The following IARS1 variants were observed in gnomAD, a reference collection of about 807,000 sequenced individuals.
The protein encoded by IARS1 is isoleucyl-tRNA synthetase 1.
In IARS1, 124 loss-of-function variants were observed where a neutral mutation model predicts 168.2. The observed-to-expected ratio is 0.74, with a 90% CI of 0.64 to 0.86. The LOEUF is 0.86. Ranked by LOEUF, IARS1 falls within the 40% of genes least tolerant of loss-of-function variation. The probability of loss-of-function intolerance (pLI) is 0.00; values close to 1 mark genes in which losing one functional copy is unlikely to be tolerated. For synonymous variants in IARS1, 532 were observed against 529.4 expected (o/e 1.00, Z -0.07); for missense variants, 1,452 against 1,515.8 (o/e 0.96, Z 0.70).
intron 26 of IARS1, among the ~76,000 whole-genome samples, chr9:92,245,608 C>G (rs1292710230): frequency 6.6e-6 from 1 of 152,174 alleles, no homozygotes; most frequent in East Asian, 1.9e-4. Context: ...GGGAGGCCCA[C>G]TGTTGTCACT....
rs984266867 is a variant in IARS1, at chr9:92,280,777, AAC to A, written c.712_713del (p.Val238Ter). The A allele has an allele frequency of 1.2e-6, 2 of 1,612,024 alleles. No individual in the cohort carries two copies. Among genetic ancestry groups the A allele is most frequent in the Non-Finnish European group, 1.7e-6 (2 of 1,178,738 alleles). ...WTLPSNLAVC[V>X]NPEMQYVKIK... ...TTTTCACATATTGCATTTCTGGATT[AAC>A]ACACACAGCAAGGTTACTAGGTAGA... On this transcript the variant is annotated frameshift_variant, in exon 7 of 34. Coordinates refer to ENST00000443024, the MANE Select transcript of IARS1 (RefSeq NM_002161.6). LOFTEE classifies it high-confidence loss of function.
At chr9:92,227,714 G>A (rs1825968397) in intron 31 of IARS1, among the ~76,000 whole-genome samples, 1 of 151,662 alleles carries the variant, frequency 6.6e-6, no homozygotes, top group Admixed American at 6.6e-5. Context: ...CAGGGCAGAG[G>A]CGCTCCCCAC....
intron 7 of IARS1, among the ~76,000 whole-genome samples, chr9:92,280,370 ACT>A (rs1390106586): frequency 6.6e-6 from 1 of 152,104 alleles, no homozygotes; most frequent in Admixed American, 6.5e-5. Flanking sequence ...GAGACTGGTA[ACT>A]CTCTACCAGG....
intron 30 of IARS1, among the ~76,000 whole-genome samples, chr9:92,236,858 T>C (rs1827620529): frequency 6.6e-6 from 1 of 152,210 alleles, no homozygotes; most frequent in Non-Finnish European, 1.5e-5. Context: ...CAAACTTACA[T>C]ATGGAGATTT....
chr9:92,279,912 C>T (rs1312192117), intron 7 of IARS1, among the ~76,000 whole-genome samples: 1 of 152,174 alleles, frequency 6.6e-6, no homozygotes, highest in Non-Finnish European at 1.5e-5. Context: ...TGGTGACTGG[C>T]TCATTTTAAT....
intron 33 of IARS1, among the ~76,000 whole-genome samples, chr9:92,215,609 G>C (rs1331332535): frequency 6.6e-6 from 1 of 151,950 alleles, no homozygotes; most frequent in African/African-American, 2.4e-5. Context: ...CAAGGCTCGA[G>C]AACTACGTGA....
rs146772108 is a variant in IARS1, at chr9:92,210,797, T to TA, written c.*9dup. On this transcript the variant is annotated 3_prime_UTR_variant, in exon 34 of 34. Coordinates refer to ENST00000443024, the MANE Select transcript of IARS1 (RefSeq NM_002161.6). ...GGAAGGGCTGACCGAACAACATTGA[T>TA]AAGTACATGCTAGAAGTCTGCTGTT... The TA allele has an allele frequency of 6.2e-3, 9,684 of 1,571,200 alleles. 498 individuals carry two copies. The African/African-American group carries it at 0.11, about 18-fold the overall frequency.
chr9:92,258,940 C>T lies in IARS1; in HGVS notation c.1930G>A (p.Gly644Ser), dbSNP rs202209545. 75 of 1,613,810 alleles carry T rather than the reference C, an allele frequency of 4.6e-5. No individual in the cohort carries two copies. Among genetic ancestry groups the T allele is most frequent in the Non-Finnish European group, 5.8e-5 (69 of 1,179,936 alleles). ...ACATCCTTAAGGACGTCCCGCACACCCTCTTCTTTAAAGCGGAGGTTTTCT... is the reference window on the plus strand; with the variant it reads ...ACATCCTTAAGGACGTCCCGCACACTCTCTTCTTTAAAGCGGAGGTTTTCT... ...RAENLRFKEEGVRDVLKDVLL... is the reference protein window; with the variant it reads ...RAENLRFKEESVRDVLKDVLL... Residue 644 changes from glycine to serine, a missense_variant, in exon 19 of 34, where the codon GGT becomes AGT. Physicochemically the swap from Gly to Ser is moderately conservative, Grantham distance 56. Transcript: ENST00000443024.
intron 12 of IARS1, 39 bp downstream of exon 12, chr9:92,270,946 G>A: frequency 3.6e-6 from 5 of 1,383,990 alleles, no homozygotes; most frequent in Non-Finnish European, 5.1e-6. Flanking sequence ...AGCACAGACT[G>A]GAAGCTCTAG....
At chr9:92,258,793 T>C in intron 19 of IARS1, 61 bp downstream of exon 19, 1 of 1,481,060 alleles carries the variant, frequency 6.8e-7, no homozygotes, top group Non-Finnish European at 9.1e-7. Context: ...ACCTCACAGC[T>C]TGGTGAAGGG....
In IARS1 at chr9:92,222,646, G is replaced by A; in HGVS notation, c.3580C>T (p.Leu1194Phe). The change falls in exon 33 of 34, where the codon CTC becomes TTC. Residue 1194 changes from leucine to phenylalanine, a missense_variant. Transcript: ENST00000443024. ...TGCCCAAGTGGGTTTTCAAGCAGGAGAGTGCCCACTGTCCCCATTAAACAC... is the reference window on the plus strand; with the variant it reads ...TGCCCAAGTGGGTTTTCAAGCAGGAAAGTGCCCACTGTCCCCATTAAACAC... ...QECLMGTVGT[L>F]LLENPLGQNG... is the part of the protein sequence containing the mutation. The A allele has an allele frequency of 6.2e-7, 1 of 1,614,096 alleles. No individual in the cohort carries two copies. Among genetic ancestry groups the A allele is most frequent in the Non-Finnish European group, 8.5e-7 (1 of 1,180,018 alleles).
At position 92,280,849 on chromosome 9, in the gene IARS1, T is replaced by A. The variant is rs267602314; in HGVS notation, c.642A>T (p.Glu214Asp). Residue 214 changes from glutamate to aspartate, a missense_variant, in exon 7 of 34, where the codon GAA becomes GAT. Glu to Asp is a conservative substitution (Grantham distance 45). Transcript: ENST00000443024. ...AAGCAACTAAAGATACAGTTTCATC[T>A]TCTTCCAAAGGGAAAGTTACAAATA... ...PSVFVTFPLEEDETVSLVAWT... is the reference protein window; with the variant it reads ...PSVFVTFPLEDDETVSLVAWT... The A allele has an allele frequency of 2.5e-6, 4 of 1,611,034 alleles. No individual in the cohort carries two copies. The highest frequency in any genetic ancestry group is 3.4e-6 in the Non-Finnish European group (4 of 1,177,546).
chr9:92,288,135 G>A lies in IARS1; in HGVS notation c.267C>T (p.Gly89=), dbSNP rs1208318585. 1.9e-6 allele frequency: 3 copies of A among 1,613,706 alleles called. No individual in the cohort carries two copies. The East Asian group carries it at 6.7e-5, about 36-fold the overall frequency. Residue 89 remains glycine, a synonymous_variant, in exon 3 of 34, where the codon GGC becomes GGT. Coordinates refer to ENST00000443024, the MANE Select transcript of IARS1 (RefSeq NM_002161.6). ...VDRRFGWDCH[G]LPVEYEIDKT... ...GGATACTCAAACATACCACAGGTAA[G>A]CCATGGCAATCCCATCCAAATCTTC...
chr9:92,258,820 G>A (rs755021793), intron 19 of IARS1, 34 bp downstream of exon 19: 12 of 1,557,066 alleles, frequency 7.7e-6, no homozygotes, highest in South Asian at 6.1e-5. Context: ...GTGGAGACAC[G>A]GCAGGTACAT....
intron 31 of IARS1, among the ~76,000 whole-genome samples, chr9:92,227,036 G>C (rs1472018795): frequency 7.3e-6 from 1 of 137,174 alleles, no homozygotes; most frequent in Non-Finnish European, 1.6e-5. Flanking sequence ...TCAAGCATCT[G>C]TTTAACAAAG....
At chr9:92,281,315 G>C (rs945195230) in intron 6 of IARS1, among the ~76,000 whole-genome samples, 3 of 151,968 alleles carry the variant, frequency 2.0e-5, no homozygotes, top group African/African-American at 7.3e-5. Context: ...TGTATTTTTA[G>C]TAGAGATGGG....
chr9:92,280,763 T>G lies in IARS1; in HGVS notation c.728A>C (p.Gln243Pro). The change falls in exon 7 of 34, where the codon CAA becomes CCA. Residue 243 changes from glutamine (Q) to proline (P), a missense_variant. Physicochemically the swap from Gln to Pro is moderately conservative, Grantham distance 76. Transcript: ENST00000443024. ...CCACTTACCTTTAATTTTCACATAT[T>G]GCATTTCTGGATTAACACACACAGC... is the stretch of plus-strand genomic sequence containing the variant. ...NLAVCVNPEM[Q>P]YVKIKDVARG... The G allele has an allele frequency of 6.2e-7, 1 of 1,609,266 alleles. No individual in the cohort carries two copies. Among genetic ancestry groups the G allele is most frequent in the South Asian group, 1.1e-5 (1 of 90,100 alleles).
intron 25 of IARS1, among the ~76,000 whole-genome samples, chr9:92,248,484 GCA>G (rs1829543671): frequency 6.6e-6 from 1 of 151,328 alleles, no homozygotes; most frequent in South Asian, 2.1e-4. Flanking sequence ...ACCAGCCCGG[GCA>G]ACATGGCAAA....
At chr9:92,286,740 C>G in intron 4 of IARS1, 122 bp from the exon 5 acceptor site, 1 of 571,356 alleles carries the variant, frequency 1.8e-6, no homozygotes, top group Admixed American at 3.2e-5. Flanking sequence ...ATCAATGGTA[C>G]AAGTAAATCT....
Sources: gnomAD v4.1 joint callset for allele counts (sites outside exome capture counted in the v4.1 genomes callset) on GRCh38, gnomAD v4.1.1 for gene constraint, MANE v1.5 for transcripts, NCBI Gene and HGNC (gene_info 2026-07-23, HGNC 2026-07-21) for gene names.